The following COLGALT1 variants were observed in gnomAD, a reference collection of about 807,000 sequenced individuals.
COLGALT1 encodes collagen beta(1-O)galactosyltransferase 1, also known as procollagen galactosyltransferase 1.
A neutral mutation model predicts 60.8 loss-of-function variants in COLGALT1; 43 were observed. That is an observed-to-expected ratio of 0.71 (90% CI 0.55 to 0.91). The LOEUF (loss-of-function observed/expected upper bound fraction) is 0.91, where lower values mean the gene tolerates loss of function less well. Among genes scored for constraint, COLGALT1 ranks in the 40% least tolerant of loss-of-function variants. The pLI, the probability that COLGALT1 is intolerant of heterozygous loss-of-function variation, is 0.00. For synonymous variants in COLGALT1, 369 were observed against 374.2 expected (o/e 0.99, Z 0.16); for missense variants, 845 against 880.0 (o/e 0.96, Z 0.50).
Position 17,559,365 on chromosome 19 carries a change from G to A in COLGALT1, c.315G>A (p.Leu105=). ...DNTSTVLREW[L]VAVKSLYHSV... is the part of the protein sequence containing the mutation. ...CGTCAACTGTGCTGCGGGAGTGGCT[G>A]GTGGCCGTGAAGAGTTTGTACCATT... The change falls in exon 2 of 12, where the codon CTG becomes CTA. Residue 105 remains leucine (L), a synonymous_variant. Transcript: ENST00000252599. The A allele has an allele frequency of 6.4e-7, 1 of 1,552,474 alleles. No homozygotes were observed. Among genetic ancestry groups the A allele is most frequent in the Non-Finnish European group, 8.7e-7 (1 of 1,147,456 alleles).
chr19:17,564,076 C>T (rs912712120), intron 3 of COLGALT1, among the ~76,000 whole-genome samples: 8 of 148,000 alleles, frequency 5.4e-5, no homozygotes, highest in African/African-American at 1.3e-4. Context: ...CCCATCTCTA[C>T]AAAAACTAAC....
At chr19:17,575,763 A>C in intron 6 of COLGALT1, among the ~76,000 whole-genome samples, 1 of 150,802 alleles carries the variant, frequency 6.6e-6, no homozygotes, top group Non-Finnish European at 1.5e-5. Flanking sequence ...GCAGCCTTGA[A>C]CTCCTGGGCA....
intron 3 of COLGALT1, among the ~76,000 whole-genome samples, chr19:17,566,591 C>T (rs1005373023): frequency 6.6e-6 from 1 of 151,878 alleles, no homozygotes; most frequent in Non-Finnish European, 1.5e-5. Flanking sequence ...CAAAACCACC[C>T]TAGGCAATGT....
chr19:17,570,653 C>T (rs978309653), intron 5 of COLGALT1, among the ~76,000 whole-genome samples: 1 of 152,108 alleles, frequency 6.6e-6, no homozygotes, highest in Non-Finnish European at 1.5e-5. Context: ...GCAACCTCCA[C>T]CTCCCAGGTT....
rs762080269 is a variant in COLGALT1 at position 17,578,123 on chromosome 19, T to C, written c.1266+34T>C. The C allele has an allele frequency of 1.5e-5, 24 of 1,569,346 alleles. No homozygotes were observed. The Admixed American group carries it at 2.3e-4, about 15-fold the overall frequency. ...TGAGTGATGGGCGGGGCCAGAGTTATGACTCTAGATCTCATCGGAGATTTG... is the reference window on the plus strand; with the variant it reads ...TGAGTGATGGGCGGGGCCAGAGTTACGACTCTAGATCTCATCGGAGATTTG... On this transcript the variant is annotated intron_variant, in intron 9 of 11. Coordinates refer to ENST00000252599, the MANE Select transcript of COLGALT1 (RefSeq NM_024656.4).
intron 9 of COLGALT1, among the ~76,000 whole-genome samples, chr19:17,579,141 C>T (rs1244388370): frequency 6.6e-6 from 1 of 150,624 alleles, no homozygotes; most frequent in African/African-American, 2.4e-5. Flanking sequence ...GCACTCCAGC[C>T]TGGGCGACAG....
intron 3 of COLGALT1, among the ~76,000 whole-genome samples, chr19:17,561,791 A>G (rs539385959): frequency 2.2e-4 from 33 of 152,308 alleles, no homozygotes; most frequent in Middle Eastern, 3.4e-3. Flanking sequence ...CCTAAATAAT[A>G]TACATTGAAC....
intron 3 of COLGALT1, among the ~76,000 whole-genome samples, chr19:17,564,270 TGTGTGTATGTG>T (rs1246673809): frequency 6.6e-6 from 1 of 151,324 alleles, no homozygotes; most frequent in Admixed American, 6.6e-5. Flanking sequence ...TGTGTATGTG[TGTGTGTATGTG>T]TGTGCGTGTG....
chr19:17,579,019 AAAAAT>A (rs1424035641), intron 9 of COLGALT1, among the ~76,000 whole-genome samples: 2 of 152,000 alleles, frequency 1.3e-5, no homozygotes, highest in East Asian at 1.9e-4. Context: ...TCAAAAAAAG[AAAAAT>A]AAAATCCGGG....
At chr19:17,566,271 G>A (rs2076279184) in intron 3 of COLGALT1, 1 of 151,998 alleles carries the variant, frequency 6.6e-6, no homozygotes, top group Non-Finnish European at 1.5e-5. Flanking sequence ...GAGACTCAGG[G>A]AGAATTGCTT....
Position 17,581,476 on chromosome 19 carries a change from CGGT to C in COLGALT1, c.*35_*37del. 1.9e-6 allele frequency: 3 copies of C among 1,589,324 alleles called. No homozygotes were observed. Among genetic ancestry groups the C allele is most frequent in the Non-Finnish European group, 2.6e-6 (3 of 1,171,824 alleles). On this transcript the variant is annotated 3_prime_UTR_variant, in exon 12 of 12. Transcript: ENST00000252599. ...GCAGCCAGAAAGCCAAAGCAGCCAT[CGGT>C]GGCCCAGGCTCCACGTGCTTACTGA...
intron 1 of COLGALT1, among the ~76,000 whole-genome samples, chr19:17,556,259 G>A (rs1390027822): frequency 5.3e-5 from 8 of 152,212 alleles, no homozygotes; most frequent in Non-Finnish European, 1.0e-4. Context: ...GCTCCTTTGG[G>A]GTGGGCTGGG....
rs749016124 is a variant in COLGALT1, at chr19:17,569,891, C to CCTTTTT, written c.829+1178_829+1179insCTTTTT. Reference sequence around the variant, plus strand: ...CAGGCCAAACCTGGCCCACTAATTACTTTTTTTTTTTTTTTTTTTTTGAGA... The same window carrying CCTTTTT: ...CAGGCCAAACCTGGCCCACTAATTACCTTTTTTTTTTTTTTTTTTTTTTTTTTGAGA... On this transcript the variant is annotated intron_variant, in intron 5 of 11. Coordinates refer to ENST00000252599, the MANE Select transcript of COLGALT1 (RefSeq NM_024656.4). Among the ~76,000 whole-genome samples, 301 of 98,708 alleles carry CCTTTTT rather than the reference C, an allele frequency of 3.0e-3. 3 individuals are homozygous for CCTTTTT. Among genetic ancestry groups the CCTTTTT allele is most frequent in the African/African-American group, 5.0e-3 (126 of 25,406 alleles). The allele number at this position is 98,708 out of a possible 152,430, so 64.8% of individuals were successfully genotyped here.
chr19:17,570,034 A>G (rs972181349), intron 5 of COLGALT1, among the ~76,000 whole-genome samples: 2 of 151,034 alleles, frequency 1.3e-5, no homozygotes, highest in African/African-American at 4.9e-5. Flanking sequence ...AGCTGGGACT[A>G]CAGGCACCAG....
In COLGALT1 at chr19:17,580,683, C is replaced by T. The variant is rs781529990; in HGVS notation, c.1395-16C>T. 2.2e-5 allele frequency: 35 copies of T among 1,613,320 alleles called. No homozygotes were observed. Among genetic ancestry groups the T allele is most frequent in the Admixed American group, 1.8e-4 (11 of 59,962 alleles). ...GAGGGCGGGAGGAGAGTGACAGGCCCGATCTTGCACCCCAGCTATGTGGGC... is the reference window on the plus strand; with the variant it reads ...GAGGGCGGGAGGAGAGTGACAGGCCTGATCTTGCACCCCAGCTATGTGGGC... On this transcript the variant is annotated splice_polypyrimidine_tract_variant and intron_variant, in intron 10 of 11. Coordinates refer to ENST00000252599, the MANE Select transcript of COLGALT1 (RefSeq NM_024656.4).
chr19:17,575,184 G>GT (rs2076333891), intron 6 of COLGALT1, among the ~76,000 whole-genome samples: 2 of 152,070 alleles, frequency 1.3e-5, no homozygotes, highest in African/African-American at 4.8e-5. Flanking sequence ...AAGTAGCTGA[G>GT]TTTAACAGGC....
chr19:17,558,502 A>AC (rs1335680405), intron 1 of COLGALT1, among the ~76,000 whole-genome samples: 2 of 147,336 alleles, frequency 1.4e-5, no homozygotes, highest in East Asian at 4.2e-4. Context: ...ACATGGCGAA[A>AC]CCCCATCTCT....
chr19:17,560,507 T>C (rs1225331977), intron 3 of COLGALT1, 42 bp downstream of exon 3: 2 of 1,526,058 alleles, frequency 1.3e-6, no homozygotes, highest in East Asian at 4.5e-5. Flanking sequence ...CAGGCAGGTC[T>C]GGGTATCCCC....
chr19:17,564,413 CTTTT>C (rs71162155), intron 3 of COLGALT1, among the ~76,000 whole-genome samples: 1 of 104,186 alleles, frequency 9.6e-6, no homozygotes. Context: ...AAAACATCTA[CTTTT>C]TTTTTTTTTT....
Sources: allele counts gnomAD v4.1 joint callset (sites outside exome capture counted in the v4.1 genomes callset), GRCh38; gene constraint gnomAD v4.1.1; transcripts MANE v1.5; gene names NCBI Gene and HGNC (gene_info 2026-07-23, HGNC 2026-07-21).